The following REEP3 variants were observed in gnomAD, a reference collection of about 807,000 sequenced individuals.
The protein encoded by REEP3 is receptor accessory protein 3, also known as receptor expression-enhancing protein 3.
REEP3 carries 20 observed loss-of-function variants against 41.3 expected under a neutral mutation model. That is an observed-to-expected ratio of 0.48 (90% confidence interval 0.34 to 0.70). The LOEUF (loss-of-function observed/expected upper bound fraction) is 0.70, where lower values mean the gene tolerates loss of function less well. Ranked by LOEUF, REEP3 falls within the 30% of genes least tolerant of loss-of-function variation. REEP3 has a pLI of 0.01. For synonymous variants in REEP3, 104 were observed against 101.8 expected, an observed-to-expected ratio of 1.02 and a Z score of -0.13; for missense variants, 271 against 308.8, an observed-to-expected ratio of 0.88 and a Z score of 0.92.
intron 1 of REEP3, among the ~76,000 whole-genome samples, chr10:63,533,762 C>T (rs1339331821): frequency 3.1e-5 from 4 of 128,606 alleles, no homozygotes; most frequent in African/African-American, 1.1e-4. Flanking sequence ...GGCTGGAGTG[C>T]AGTGGCGCGA....
chr10:63,615,132 A>T (rs892465143), intron 6 of REEP3, among the ~76,000 whole-genome samples: 2 of 152,210 alleles, frequency 1.3e-5, no homozygotes, highest in African/African-American at 2.4e-5. Context: ...CTAATTTTTT[A>T]AATGTATATA....
At chr10:63,582,028 C>T (rs983518633) in intron 2 of REEP3, among the ~76,000 whole-genome samples, 1 of 152,186 alleles carries the variant, frequency 6.6e-6, no homozygotes, top group African/African-American at 2.4e-5. Flanking sequence ...ACATTCTCTT[C>T]GGAAATGGCA....
At chr10:63,540,040 A>G (rs767209704) in intron 1 of REEP3, among the ~76,000 whole-genome samples, 2 of 152,226 alleles carry the variant, frequency 1.3e-5, no homozygotes, top group Admixed American at 1.3e-4. Context: ...TGACTTTATG[A>G]TATTAAAACA....
chr10:63,577,800 A>C (rs1955910972), intron 2 of REEP3, among the ~76,000 whole-genome samples: 1 of 151,804 alleles, frequency 6.6e-6, no homozygotes, highest in Non-Finnish European at 1.5e-5. Context: ...GTGTAGAGTT[A>C]AGTTGCTTCT....
chr10:63,542,116 G>T (rs948759735), intron 1 of REEP3, among the ~76,000 whole-genome samples: 10 of 146,490 alleles, frequency 6.8e-5, no homozygotes, highest in South Asian at 4.3e-4. Flanking sequence ...GTCTCACTCT[G>T]TTGCCCAGGC....
At chr10:63,574,849 T>C (rs982141181) in intron 2 of REEP3, among the ~76,000 whole-genome samples, 1 of 17,100 alleles carries the variant, frequency 5.8e-5, no homozygotes, top group Non-Finnish European at 2.8e-4. Flanking sequence ...GTCAATTTCT[T>C]TTTTTTTTTT....
chr10:63,577,231 A>G (rs1360479065), intron 2 of REEP3, among the ~76,000 whole-genome samples: 3 of 152,144 alleles, frequency 2.0e-5, no homozygotes, highest in South Asian at 2.1e-4. Flanking sequence ...CTCGATCCCT[A>G]TTAGCCCCAC....
chr10:63,544,685 C>T (rs72837087), intron 1 of REEP3, among the ~76,000 whole-genome samples: 5 of 152,216 alleles, frequency 3.3e-5, no homozygotes, highest in Non-Finnish European at 5.9e-5. Context: ...TAGGGCAATG[C>T]TTTCATTTTA....
chr10:63,578,535 C>A (rs1033511861), intron 2 of REEP3, among the ~76,000 whole-genome samples: 1 of 152,066 alleles, frequency 6.6e-6, no homozygotes, highest in African/African-American at 2.4e-5. Flanking sequence ...CTTTGGGAGG[C>A]CGAGGTGGAT....
intron 1 of REEP3, among the ~76,000 whole-genome samples, chr10:63,523,317 G>A (rs185009499): frequency 7.6e-4 from 116 of 152,294 alleles, no homozygotes; most frequent in African/African-American, 2.7e-3. Context: ...GAAAAGGCAA[G>A]GGAGATTACG....
chr10:63,586,949 TTGTTTATA>T (rs1173520067), intron 2 of REEP3, among the ~76,000 whole-genome samples: 1 of 152,014 alleles, frequency 6.6e-6, no homozygotes. Flanking sequence ...TCAAACATCT[TTGTTTATA>T]GAGTTTTCCT....
intron 2 of REEP3, among the ~76,000 whole-genome samples, chr10:63,587,369 G>A (rs1956017919): frequency 1.3e-5 from 2 of 152,266 alleles, no homozygotes; most frequent in African/African-American, 2.4e-5. Flanking sequence ...ACCAGTCCGG[G>A]CATTAGCCCT....
intron 2 of REEP3, among the ~76,000 whole-genome samples, chr10:63,574,843 A>C (rs1269576916): frequency 8.0e-6 from 1 of 125,020 alleles, no homozygotes; most frequent in Admixed American, 9.0e-5. Flanking sequence ...TGAGAGGTCA[A>C]TTTCTTTTTT....
chr10:63,585,573 A>G (rs1955997776), intron 2 of REEP3, among the ~76,000 whole-genome samples: 3 of 152,318 alleles, frequency 2.0e-5, no homozygotes, highest in Admixed American at 1.3e-4. Context: ...ATCAAGGTTT[A>G]TGACTATCTC....
At chr10:63,610,160 TGGACC>T in intron 5 of REEP3, 22 bp from the exon 6 acceptor site, 1 of 1,587,690 alleles carries the variant, frequency 6.3e-7, no homozygotes, top group Non-Finnish European at 8.6e-7. Flanking sequence ...TATTTTTTCT[TGGACC>T]TATCACTTCT....
chr10:63,521,478 G>C lies in REEP3; in HGVS notation c.-68G>C. On this transcript the variant is annotated 5_prime_UTR_variant, in exon 1 of 8. Transcript: ENST00000373758. The stretch of plus-strand genomic sequence containing the variant: ...GAGCCGGCGAAGCGCGCGGCCTGCC[G>C]TTGGCGGCCTGGTCCGCAGCGCCCT... 8.8e-7 allele frequency: 1 copy of C among 1,141,250 alleles called. No homozygotes were observed. The allele number at this position is 1,141,250 out of a possible 1,614,324, so 70.7% of individuals were successfully genotyped here.
chr10:63,579,118 G>A (rs552596374), intron 2 of REEP3, among the ~76,000 whole-genome samples: 1 of 151,238 alleles, frequency 6.6e-6, no homozygotes, highest in Non-Finnish European at 1.5e-5. Flanking sequence ...TGCAACCTCT[G>A]TCTCCCTGGT....
chr10:63,608,528 G>T (rs563019659), intron 5 of REEP3, among the ~76,000 whole-genome samples: 14 of 152,210 alleles, frequency 9.2e-5, no homozygotes, highest in African/African-American at 3.4e-4. Flanking sequence ...AAGCATTATG[G>T]ATTAGTTTCT....
chr10:63,525,301 C>T (rs1341530512), intron 1 of REEP3, among the ~76,000 whole-genome samples: 3 of 152,202 alleles, frequency 2.0e-5, no homozygotes, highest in South Asian at 2.1e-4. Flanking sequence ...ACCTGATAAC[C>T]GCCAAGCTCT....
Sources: gnomAD v4.1 joint callset for allele counts (sites outside exome capture counted in the v4.1 genomes callset) on GRCh38, gnomAD v4.1.1 for gene constraint, MANE v1.5 for transcripts, NCBI Gene and HGNC (gene_info 2026-07-23, HGNC 2026-07-21) for gene names.